The following GPM6A variants were observed in gnomAD, a reference collection of about 807,000 sequenced individuals.
The protein encoded by GPM6A is neuronal membrane glycoprotein M6-a.
A neutral mutation model predicts 32.1 loss-of-function variants in GPM6A; 7 were observed. The ratio of observed to expected loss-of-function variants is 0.22; its 90% CI spans 0.12 to 0.41. The LOEUF is 0.41. Among genes scored for constraint, GPM6A ranks in the 10% least tolerant of loss-of-function variants. The probability of loss-of-function intolerance (pLI) is 1.00; values close to 1 mark genes in which losing one functional copy is unlikely to be tolerated. For missense variants in GPM6A, 235 were observed against 347.2 expected (o/e 0.68, Z 2.57); for synonymous variants, 130 against 123.4 (o/e 1.05, Z -0.35).
In GPM6A at chr4:175,989,922, T is replaced by C. The variant is rs547716279; in HGVS notation, c.-23+12387A>G. ...TGCATAGCTTCCAACGAAGGCCATG[T>C]GGCATAGCAAGAAGTGGTGTAACAT... On this transcript the variant is annotated intron_variant, in intron 1 of 7. Coordinates refer to the GPM6A transcript ENST00000280187. Among the ~76,000 whole-genome samples the C allele has an allele frequency of 5.3e-5, 8 of 152,330 alleles. No individual in the cohort carries two copies. The South Asian group carries it at 1.7e-3, about 32-fold the overall frequency.
chr4:175,738,047 C>T (rs1442381811), intron 1 of GPM6A, among the ~76,000 whole-genome samples: 1 of 151,830 alleles, frequency 6.6e-6, no homozygotes, highest in African/African-American at 2.4e-5. Context: ...AAGCGATTCT[C>T]CTGCCTCAGC....
At chr4:175,809,671 A>T (rs529667069) in intron 1 of GPM6A, among the ~76,000 whole-genome samples, 1 of 152,300 alleles carries the variant, frequency 6.6e-6, no homozygotes, top group East Asian at 1.9e-4. Flanking sequence ...GACTGAACAC[A>T]TATGCTTAAA....
At chr4:175,852,363 C>T (rs73010128) in intron 1 of GPM6A, among the ~76,000 whole-genome samples, 3,799 of 152,114 alleles carry the variant, frequency 0.025, 144 homozygotes, top group African/African-American at 0.084. Flanking sequence ...TGGATACTTA[C>T]GGAGATAAAT....
chr4:175,861,410 C>A (rs1736568479), intron 1 of GPM6A, among the ~76,000 whole-genome samples: 1 of 150,768 alleles, frequency 6.6e-6, no homozygotes. Context: ...CTCAGAGAAA[C>A]AAGTTCAATA....
At chr4:175,768,103 A>G (rs1038604754) in intron 1 of GPM6A, among the ~76,000 whole-genome samples, 2 of 152,240 alleles carry the variant, frequency 1.3e-5, no homozygotes, top group African/African-American at 4.8e-5. Context: ...GTTCATGTTT[A>G]TCTAGAAAGG....
chr4:175,795,409 T>C (rs899252516), intron 1 of GPM6A, among the ~76,000 whole-genome samples: 5 of 152,152 alleles, frequency 3.3e-5, no homozygotes, highest in East Asian at 1.9e-4. Flanking sequence ...TTCTAATGAA[T>C]AGAATATGGC....
chr4:175,964,148 A>C (rs1460293278), intron 1 of GPM6A, among the ~76,000 whole-genome samples: 1 of 152,090 alleles, frequency 6.6e-6, no homozygotes, highest in Admixed American at 6.5e-5. Flanking sequence ...ACAAGTAGAA[A>C]ACAATAGCAC....
chr4:175,954,685 T>C (rs1176713494), intron 1 of GPM6A, among the ~76,000 whole-genome samples: 1 of 152,216 alleles, frequency 6.6e-6, no homozygotes, highest in Non-Finnish European at 1.5e-5. Flanking sequence ...TCAGTGAGGT[T>C]GCACCCGTGT....
At chr4:175,975,574 A>C (rs1490347932) in intron 1 of GPM6A, among the ~76,000 whole-genome samples, 1 of 152,238 alleles carries the variant, frequency 6.6e-6, no homozygotes, top group Non-Finnish European at 1.5e-5. Context: ...CAGACTTCTC[A>C]GCATTGCACT....
At chr4:175,637,850 A>T (rs546376992) in intron 6 of GPM6A, among the ~76,000 whole-genome samples, 4 of 122,164 alleles carry the variant, frequency 3.3e-5, no homozygotes, top group Non-Finnish European at 4.8e-5. Context: ...ATATAATATA[A>T]AATATATAAT....
intron 1 of GPM6A, among the ~76,000 whole-genome samples, chr4:175,807,910 C>A (rs1348580319): frequency 6.6e-6 from 1 of 152,152 alleles, no homozygotes; most frequent in East Asian, 1.9e-4. Flanking sequence ...TGACTTTGGT[C>A]TAGTCAATTA....
chr4:175,964,017 T>C (rs1317504088), intron 1 of GPM6A, among the ~76,000 whole-genome samples: 1 of 150,764 alleles, frequency 6.6e-6, no homozygotes, highest in African/African-American at 2.4e-5. Context: ...AAAATATAAT[T>C]GATATGGTAA....
chr4:175,774,553 A>C (rs1384809282), intron 1 of GPM6A, among the ~76,000 whole-genome samples: 1 of 152,076 alleles, frequency 6.6e-6, no homozygotes, highest in Non-Finnish European at 1.5e-5. Flanking sequence ...ATAGAATCCA[A>C]CAATACATAC....
At chr4:175,935,743 T>C (rs913156986) in intron 1 of GPM6A, among the ~76,000 whole-genome samples, 1 of 152,104 alleles carries the variant, frequency 6.6e-6, no homozygotes, top group Non-Finnish European at 1.5e-5. Context: ...ATCAATTCAA[T>C]ATAACCCCAA....
rs141863464 is a variant in GPM6A, at chr4:175,711,844, G to A, written c.38-10077C>T. 3.1e-3 allele frequency among the ~76,000 whole-genome samples: 467 copies of A among 151,950 alleles called. 1 individual carries two copies. Among genetic ancestry groups the A allele is most frequent in the African/African-American group, 0.011 (442 of 41,436 alleles). ...GAGTTGTATTTCCTTTTTCCTTTTCGCTCAATGAATTCCACTCATCACCCT... is the reference window on the plus strand; with the variant it reads ...GAGTTGTATTTCCTTTTTCCTTTTCACTCAATGAATTCCACTCATCACCCT... On this transcript the variant is annotated intron_variant, in intron 1 of 6. Coordinates refer to ENST00000393658, the MANE Select transcript of GPM6A (RefSeq NM_201591.3).
chr4:175,817,082 T>A (rs12503697), upstream of GPM6A, among the ~76,000 whole-genome samples: 126,050 of 152,036 alleles, frequency 0.83, 53,775 homozygotes, highest in Middle Eastern at 0.96. Context: ...ATGGTCTCGA[T>A]CTCCTGACTT....
chr4:175,764,950 C>A (rs928704032), intron 1 of GPM6A, among the ~76,000 whole-genome samples: 3 of 151,366 alleles, frequency 2.0e-5, no homozygotes, highest in African/African-American at 7.3e-5. Flanking sequence ...CTCAGCTCAC[C>A]GCAAACTCTG....
intron 1 of GPM6A, chr4:175,781,332 G>T (rs1297247675): frequency 6.6e-6 from 1 of 152,136 alleles, no homozygotes; most frequent in Non-Finnish European, 1.5e-5. Context: ...GTCAGGGAGG[G>T]GCGCCCAGAG....
At chr4:175,879,119 C>T (rs939583004) in intron 1 of GPM6A, among the ~76,000 whole-genome samples, 1 of 152,148 alleles carries the variant, frequency 6.6e-6, no homozygotes, top group African/African-American at 2.4e-5. Flanking sequence ...TCTGAGGCCC[C>T]CTCAGTCTGA....
Sources: allele counts gnomAD v4.1 joint callset (sites outside exome capture counted in the v4.1 genomes callset), GRCh38; gene constraint gnomAD v4.1.1; transcripts MANE v1.5; gene names NCBI Gene and HGNC (gene_info 2026-07-23, HGNC 2026-07-21).